Variants in RASGRF2 observed in about 807,000 individuals in gnomAD.
RASGRF2 encodes the protein Ras protein specific guanine nucleotide releasing factor 2, also known as ras-specific guanine nucleotide-releasing factor 2.
In RASGRF2, 76 loss-of-function variants were observed where a neutral mutation model predicts 151.0. That is an observed-to-expected ratio of 0.50 (90% CI 0.42 to 0.61). RASGRF2 has a LOEUF of 0.61. Among genes scored for constraint, RASGRF2 ranks in the 20% least tolerant of loss-of-function variants. RASGRF2 has a pLI of 0.00. For synonymous variants in RASGRF2, 504 were observed against 566.5 expected (o/e 0.89, Z 1.57); for missense variants, 1,148 against 1,564.6 (o/e 0.73, Z 4.49).
chr5:80,994,154 A>G (rs557202955), intron 1 of RASGRF2, among the ~76,000 whole-genome samples: 4 of 152,048 alleles, frequency 2.6e-5, no homozygotes, highest in South Asian at 4.2e-4. Context: ...TCACGAGGTC[A>G]GGAGATCGAG....
intron 1 of RASGRF2, among the ~76,000 whole-genome samples, chr5:81,025,118 C>T (rs1749973705): frequency 6.6e-6 from 1 of 152,248 alleles, no homozygotes; most frequent in Non-Finnish European, 1.5e-5. Flanking sequence ...ATCTCCTTGG[C>T]ACTGGGTGGG....
In RASGRF2 at chr5:81,206,764, G is replaced by A; in HGVS notation, c.2907-81G>A. The A allele has an allele frequency of 3.1e-6, 4 of 1,281,688 alleles. No homozygotes were observed. In the South Asian group the frequency reaches 4.8e-5, roughly 15 times the overall value. 79.4% of individuals were successfully genotyped at this position (1,281,688 alleles called of 1,614,324 possible). ...CAAATCCTCAGACCTCCCATCCAGG[G>A]AAAACCAAACTGCATTTGTAGTTTT... On this transcript the variant is annotated intron_variant, in intron 19 of 26. Transcript: ENST00000265080.
chr5:81,058,775 C>CAAAAAAAAAA (rs56875865), intron 2 of RASGRF2, among the ~76,000 whole-genome samples: 1 of 70,114 alleles, frequency 1.4e-5, no homozygotes, highest in African/African-American at 5.8e-5. Context: ...GGCCCTGTAT[C>CAAAAAAAAAA]AAAAAAAAAA....
chr5:81,155,926 C>A (rs1199784564), intron 17 of RASGRF2, among the ~76,000 whole-genome samples: 2 of 152,088 alleles, frequency 1.3e-5, no homozygotes, highest in Admixed American at 1.3e-4. Context: ...TTTTGGGCAA[C>A]AATCTAAACA....
At chr5:80,974,743 T>C (rs113089317) in intron 1 of RASGRF2, among the ~76,000 whole-genome samples, 2,626 of 152,284 alleles carry the variant, frequency 0.017, 88 homozygotes, top group African/African-American at 0.061. Context: ...CACAAAGTCT[T>C]TATGAATCGG....
chr5:81,003,412 AC>A (rs1274604302), intron 1 of RASGRF2, among the ~76,000 whole-genome samples: 2 of 152,102 alleles, frequency 1.3e-5, no homozygotes, highest in Non-Finnish European at 2.9e-5. Context: ...TTTAGTAGAG[AC>A]AGGGTTTCAC....
At chr5:81,057,742 C>G (rs1445549600) in intron 2 of RASGRF2, among the ~76,000 whole-genome samples, 1 of 152,046 alleles carries the variant, frequency 6.6e-6, no homozygotes, top group Non-Finnish European at 1.5e-5. Context: ...TGCCTATAAT[C>G]CAAGCACTTT....
chr5:81,178,681 A>T (rs1485799779), intron 17 of RASGRF2, among the ~76,000 whole-genome samples: 2 of 152,150 alleles, frequency 1.3e-5, no homozygotes, highest in African/African-American at 4.8e-5. Context: ...ATGGGATAAG[A>T]AGCTTCGAGT....
intron 14 of RASGRF2, chr5:81,113,316 G>T (rs1414221105): frequency 3.3e-6 from 2 of 605,896 alleles, no homozygotes; most frequent in African/African-American, 1.9e-5. Context: ...GCTGCTGTTT[G>T]GACCACAGTT....
chr5:81,220,960 G>GT (rs1446275916), intron 26 of RASGRF2, among the ~76,000 whole-genome samples: 1 of 152,142 alleles, frequency 6.6e-6, no homozygotes, highest in Non-Finnish European at 1.5e-5. Context: ...GTTTTGAGGA[G>GT]TAGAGGTCAG....
At chr5:81,106,871 G>A (rs930575731) in intron 12 of RASGRF2, among the ~76,000 whole-genome samples, 3 of 152,162 alleles carry the variant, frequency 2.0e-5, no homozygotes, top group African/African-American at 7.2e-5. Context: ...GATAAGAGAA[G>A]CAGCATTTCT....
intron 1 of RASGRF2, among the ~76,000 whole-genome samples, chr5:81,022,136 C>T (rs879788843): frequency 8.5e-5 from 13 of 152,140 alleles, no homozygotes; most frequent in Admixed American, 1.3e-4. Context: ...CAGCATGCTA[C>T]GTGACTCTCC....
chr5:81,198,789 G>A (rs538353108), intron 18 of RASGRF2, among the ~76,000 whole-genome samples: 33 of 152,140 alleles, frequency 2.2e-4, no homozygotes, highest in African/African-American at 7.7e-4. Context: ...TATGTATACC[G>A]CATTTTCTTT....
rs33931356 is a variant in RASGRF2, at chr5:81,175,755, C to CA, written c.2687-4401dup. On this transcript the variant is annotated intron_variant, in intron 17 of 26. Coordinates refer to ENST00000265080, the MANE Select transcript of RASGRF2 (RefSeq NM_006909.3). ...GGGCAACTAGAGCGAAACTCCGTCT[C>CA]AAAAAAAAAAAAAAAAAAAGGAAAA... Among the ~76,000 whole-genome samples, 364 of 99,422 alleles carry CA rather than the reference C, an allele frequency of 3.7e-3. 1 individual carries two copies. The highest frequency in any genetic ancestry group is 6.0e-3 in the African/African-American group (162 of 26,958). The allele number at this position is 99,422 out of a possible 152,430, so 65.2% of individuals were successfully genotyped here. A position where few individuals can be genotyped will look rare whatever the true frequency, so the allele number is the denominator to read the frequency against.
At chr5:81,082,510 C>T (rs901101669) in intron 7 of RASGRF2, among the ~76,000 whole-genome samples, 7 of 152,216 alleles carry the variant, frequency 4.6e-5, no homozygotes, top group Non-Finnish European at 7.3e-5. Flanking sequence ...TTGAACCAAA[C>T]TAAATAGCTA....
At chr5:81,093,204 T>A (rs992645454) in intron 10 of RASGRF2, among the ~76,000 whole-genome samples, 1 of 152,248 alleles carries the variant, frequency 6.6e-6, no homozygotes, top group African/African-American at 2.4e-5. Flanking sequence ...AATCGTAACC[T>A]GGACAAAATT....
At chr5:81,027,575 G>A (rs1410852191) in intron 1 of RASGRF2, among the ~76,000 whole-genome samples, 1 of 152,126 alleles carries the variant, frequency 6.6e-6, no homozygotes, top group Non-Finnish European at 1.5e-5. Flanking sequence ...AGAGATTGCC[G>A]AGTGTTTCTA....
intron 17 of RASGRF2, among the ~76,000 whole-genome samples, chr5:81,155,913 G>A (rs1260504660): frequency 6.6e-6 from 1 of 152,244 alleles, no homozygotes; most frequent in East Asian, 1.9e-4. Context: ...TGACCTTTCA[G>A]TGTTTTGGGC....
chr5:81,176,318 C>A (rs551328024), intron 17 of RASGRF2, among the ~76,000 whole-genome samples: 1 of 152,170 alleles, frequency 6.6e-6, no homozygotes, highest in South Asian at 2.1e-4. Context: ...CATAGATCCA[C>A]CCCCAAGAAG....
Sources: gnomAD v4.1 joint callset for allele counts (sites outside exome capture counted in the v4.1 genomes callset) on GRCh38, gnomAD v4.1.1 for gene constraint, MANE v1.5 for transcripts, NCBI Gene and HGNC (gene_info 2026-07-23, HGNC 2026-07-21) for gene names.